Variants in CNTN6 observed in about 807,000 individuals in gnomAD.
CNTN6 encodes the protein contactin 6, also known as contactin-6.
In CNTN6, 137 loss-of-function variants were observed where a neutral mutation model predicts 122.8. That is an observed-to-expected ratio of 1.12 (90% CI 0.97 to 1.29). The LOEUF (loss-of-function observed/expected upper bound fraction) is 1.29, where lower values mean the gene tolerates loss of function less well. Among genes scored for constraint, CNTN6 ranks in the 50% most tolerant of loss-of-function variants. CNTN6 has a pLI of 0.00. For missense variants in CNTN6, 1,634 were observed against 1,223.4 expected (o/e 1.34, Z -5.01); for synonymous variants, 570 against 426.0 (o/e 1.34, Z -4.16).
At chr3:1,297,064 TTGAA>T (rs1487647412) in intron 6 of CNTN6, among the ~76,000 whole-genome samples, 1 of 152,154 alleles carries the variant, frequency 6.6e-6, no homozygotes, top group Non-Finnish European at 1.5e-5. Flanking sequence ...ACCAACTTAG[TTGAA>T]TGAAGTAGTA....
chr3:1,379,143 A>G (rs1288475016), intron 17 of CNTN6, among the ~76,000 whole-genome samples: 1 of 152,074 alleles, frequency 6.6e-6, no homozygotes, highest in Admixed American at 6.6e-5. Flanking sequence ...GAGGGCCCAA[A>G]TGCTATGCAT....
At chr3:1,145,686 G>C (rs1165762823) in intron 1 of CNTN6, among the ~76,000 whole-genome samples, 1 of 152,104 alleles carries the variant, frequency 6.6e-6, no homozygotes, top group African/African-American at 2.4e-5. Flanking sequence ...CAGACCCTAA[G>C]GAGGAATTCT....
In CNTN6 at chr3:1,383,412, A is replaced by G. The variant is rs1692247853; in HGVS notation, c.2517+4A>G. 2 of 1,608,834 alleles carry G rather than the reference A, an allele frequency of 1.2e-6. No individual in the cohort carries two copies. The highest frequency in any genetic ancestry group is 2.2e-5 in the South Asian group (2 of 90,918). ...TGGAAGAGTGCTGGGCTATGAGGTAATCCACATTAATTTCACTTTTGCTTA... is the reference window on the plus strand; with the variant it reads ...TGGAAGAGTGCTGGGCTATGAGGTAGTCCACATTAATTTCACTTTTGCTTA... On this transcript the variant is annotated splice_donor_region_variant and intron_variant, in intron 19 of 22. Coordinates refer to ENST00000446702, the MANE Select transcript of CNTN6 (RefSeq NM_001289080.2).
intron 2 of CNTN6, among the ~76,000 whole-genome samples, chr3:1,201,479 T>TGTC (rs2093871931): frequency 6.6e-6 from 1 of 151,334 alleles, no homozygotes; most frequent in Admixed American, 6.6e-5. Context: ...TTGTCAAAAA[T>TGTC]ATCATCACTC....
At chr3:1,342,090 A>G (rs1049460234) in intron 11 of CNTN6, among the ~76,000 whole-genome samples, 4 of 152,048 alleles carry the variant, frequency 2.6e-5, no homozygotes, top group African/African-American at 7.3e-5. Flanking sequence ...GAGTTGCCAA[A>G]AAAAAGTAAC....
chr3:1,351,472 G>A (rs186764713), intron 11 of CNTN6, among the ~76,000 whole-genome samples: 6 of 151,444 alleles, frequency 4.0e-5, no homozygotes, highest in Admixed American at 4.0e-4. Flanking sequence ...CCTAAAATTG[G>A]ACGAATATTT....
chr3:1,207,804 T>A (rs1342550520), intron 2 of CNTN6, among the ~76,000 whole-genome samples: 1 of 152,158 alleles, frequency 6.6e-6, no homozygotes, highest in South Asian at 2.1e-4. Context: ...GAATAAAAAA[T>A]AAATTAAATT....
At chr3:1,399,876 C>A in intron 20 of CNTN6, among the ~76,000 whole-genome samples, 1 of 152,114 alleles carries the variant, frequency 6.6e-6, no homozygotes, top group South Asian at 2.1e-4. Context: ...ATGTGATAAA[C>A]CTATAATAAA....
intron 2 of CNTN6, among the ~76,000 whole-genome samples, chr3:1,220,065 T>C (rs913572299): frequency 1.4e-5 from 2 of 144,654 alleles, no homozygotes; most frequent in South Asian, 2.2e-4. Context: ...TGTAAAAGAT[T>C]TTATTGGGGG....
intron 2 of CNTN6, among the ~76,000 whole-genome samples, chr3:1,168,788 T>C (rs1410086536): frequency 1.3e-5 from 2 of 152,164 alleles, no homozygotes; most frequent in African/African-American, 4.8e-5. Context: ...GAGCAATTTC[T>C]AGGCTTAGTG....
intron 1 of CNTN6, among the ~76,000 whole-genome samples, chr3:1,131,665 T>C (rs1298141164): frequency 6.6e-6 from 1 of 152,032 alleles, no homozygotes; most frequent in Non-Finnish European, 1.5e-5. Flanking sequence ...GAGACAGAGG[T>C]GGTCATTCAT....
At chr3:1,198,176 T>C (rs1005166626) in intron 2 of CNTN6, among the ~76,000 whole-genome samples, 1 of 152,084 alleles carries the variant, frequency 6.6e-6, no homozygotes, top group African/African-American at 2.4e-5. Context: ...GAACTGCCTA[T>C]TAATAAAAAA....
Position 1,285,145 on chromosome 3 carries a change from C to T in CNTN6, c.454+6637C>T, listed in dbSNP as rs1220772634. On this transcript the variant is annotated intron_variant, in intron 5 of 22. Transcript: ENST00000446702. ...GGTGAGAGAGAATGGTGACTTGGACCAGGTGGATTGCTGTAGACAGATAGA... is the reference window on the plus strand; with the variant it reads ...GGTGAGAGAGAATGGTGACTTGGACTAGGTGGATTGCTGTAGACAGATAGA... Among the ~76,000 whole-genome samples, 4 of 152,054 alleles carry T rather than the reference C, an allele frequency of 2.6e-5. No homozygotes were observed. In the East Asian group the frequency reaches 7.7e-4, roughly 29 times the overall value.
In CNTN6 at chr3:1,383,026, G is replaced by C; in HGVS notation, c.2251G>C (p.Glu751Gln). 1 of 1,614,098 alleles carries C rather than the reference G, an allele frequency of 6.2e-7. No homozygotes were observed. Among genetic ancestry groups the C allele is most frequent in the Non-Finnish European group, 8.5e-7 (1 of 1,179,946 alleles). The part of the protein sequence containing the change: ...RPVGSTTWSK[E>Q]KVSSVESSRF... ...AGTGGGCTCGACAACCTGGTCCAAG[G>C]AGAAAGTGTCATCTGTGGAATCATC... Residue 751 changes from glutamate (E) to glutamine (Q), a missense_variant, in exon 18 of 23, where the codon GAG becomes CAG. Coordinates refer to ENST00000446702, the MANE Select transcript of CNTN6 (RefSeq NM_001289080.2).
chr3:1,206,553 T>C (rs1282350113), intron 2 of CNTN6, among the ~76,000 whole-genome samples: 1 of 152,144 alleles, frequency 6.6e-6, no homozygotes, highest in Non-Finnish European at 1.5e-5. Context: ...CAATATAATG[T>C]AGTATCCCAT....
intron 7 of CNTN6, among the ~76,000 whole-genome samples, chr3:1,298,788 T>C (rs1314837046): frequency 2.0e-5 from 3 of 152,166 alleles, no homozygotes; most frequent in African/African-American, 7.2e-5. Flanking sequence ...CCTCCATTTC[T>C]AAAAAGCTCC....
In CNTN6 at chr3:1,352,409, C is replaced by A; in HGVS notation, c.1450C>A (p.Gln484Lys). Residue 484 changes from glutamine to lysine, a missense_variant, in exon 12 of 23, where the codon CAG becomes AAG. Coordinates refer to ENST00000446702, the MANE Select transcript of CNTN6 (RefSeq NM_001289080.2). ...ATCATATACATGCATAGCCACAAATCAGTTTGGCACTGCAAAGAACACTGG... is the reference window on the plus strand; with the variant it reads ...ATCATATACATGCATAGCCACAAATAAGTTTGGCACTGCAAAGAACACTGG... Reference protein sequence around the residue: ...AGSYTCIATNQFGTAKNTGSL... With the variant: ...AGSYTCIATNKFGTAKNTGSL... 1 of 1,609,006 alleles carries A rather than the reference C, an allele frequency of 6.2e-7. No individual in the cohort carries two copies. The highest frequency in any genetic ancestry group is 8.5e-7 in the Non-Finnish European group (1 of 1,176,740).
chr3:1,384,083 C>G (rs1692372373), intron 19 of CNTN6, among the ~76,000 whole-genome samples: 4 of 152,068 alleles, frequency 2.6e-5, no homozygotes. Flanking sequence ...CACATAGTAG[C>G]CATTTTTAAA....
At chr3:1,108,296 T>A (rs1461221481) in intron 1 of CNTN6, among the ~76,000 whole-genome samples, 1 of 152,098 alleles carries the variant, frequency 6.6e-6, no homozygotes, top group East Asian at 1.9e-4. Flanking sequence ...TTCGCATATA[T>A]ATAATGAGAT....
Sources: allele counts gnomAD v4.1 joint callset (sites outside exome capture counted in the v4.1 genomes callset), GRCh38; gene constraint gnomAD v4.1.1; transcripts MANE v1.5; gene names NCBI Gene and HGNC (gene_info 2026-07-23, HGNC 2026-07-21).